Variants in AFF3 observed in about 807,000 individuals in gnomAD.
AFF3 encodes AF4/FMR2 family member 3.
In AFF3, 32 loss-of-function variants were observed where a neutral mutation model predicts 129.7. The ratio of observed to expected loss-of-function variants is 0.25; its 90% CI spans 0.19 to 0.33. The LOEUF is 0.33. AFF3 is among the 10% of genes least tolerant of loss of function. The pLI is 1.00. For missense variants in AFF3, 1,373 were observed against 1,592.0 expected (o/e 0.86, Z 2.34); for synonymous variants, 644 against 635.4 (o/e 1.01, Z -0.20).
chr2:99,723,016 T>TA (rs1679040710), intron 11 of AFF3, among the ~76,000 whole-genome samples: 3 of 152,224 alleles, frequency 2.0e-5, no homozygotes, highest in Admixed American at 2.0e-4. Context: ...TTCTTTTAGT[T>TA]AGACTATGAA....
intron 8 of AFF3, among the ~76,000 whole-genome samples, chr2:99,793,282 G>A (rs1427455089): frequency 6.6e-6 from 1 of 152,142 alleles, no homozygotes; most frequent in Admixed American, 6.5e-5. Flanking sequence ...TATAAGCTTC[G>A]TGAGGCCTCG....
At chr2:99,864,990 T>C (rs17023253) in intron 7 of AFF3, among the ~76,000 whole-genome samples, 7,461 of 152,276 alleles carry the variant, frequency 0.049, 238 homozygotes, top group African/African-American at 0.086. Flanking sequence ...GTGTCCCCTA[T>C]GAACTTCCTT....
intron 12 of AFF3, among the ~76,000 whole-genome samples, chr2:99,662,945 C>T (rs887555786): frequency 6.6e-6 from 1 of 152,196 alleles, no homozygotes; most frequent in African/African-American, 2.4e-5. Flanking sequence ...TGCAGATTGA[C>T]TCTGTGGGTA....
chr2:100,122,824 C>T (rs979297925), intron 2 of AFF3, among the ~76,000 whole-genome samples: 9 of 152,080 alleles, frequency 5.9e-5, no homozygotes, highest in South Asian at 2.1e-4. Context: ...CTGAGAATAC[C>T]GGCAACAAAG....
chr2:99,674,923 C>T (rs763454412), intron 11 of AFF3, among the ~76,000 whole-genome samples: 1 of 152,194 alleles, frequency 6.6e-6, no homozygotes, highest in Admixed American at 6.5e-5. Flanking sequence ...CAGCTTACTT[C>T]TGTTTATTTC....
At chr2:99,786,858 G>A (rs1227869205) in intron 8 of AFF3, among the ~76,000 whole-genome samples, 1 of 152,086 alleles carries the variant, frequency 6.6e-6, no homozygotes, top group Non-Finnish European at 1.5e-5. Context: ...CCTGACACTT[G>A]GTCTCATTAG....
chr2:100,111,194 G>C (rs541658056), intron 2 of AFF3, among the ~76,000 whole-genome samples: 1 of 152,206 alleles, frequency 6.6e-6, no homozygotes. Flanking sequence ...CCACTCTAGC[G>C]GTGTTTTGAA....
At position 99,935,622 on chromosome 2, in the gene AFF3, C is replaced by T. The variant is rs548797203; in HGVS notation, c.873+71010G>A. ...GATGGACTGTGACAATCTTACATTCCATATGATGACTGACAACTTCCTGAG... is the reference window on the plus strand; with the variant it reads ...GATGGACTGTGACAATCTTACATTCTATATGATGACTGACAACTTCCTGAG... On this transcript the variant is annotated intron_variant, in intron 7 of 24. Coordinates refer to ENST00000672756, the MANE Select transcript of AFF3 (RefSeq NM_001386135.1). Among the ~76,000 whole-genome samples the T allele has an allele frequency of 2.6e-5, 4 of 152,306 alleles. No individual in the cohort carries two copies. In the South Asian group the frequency reaches 6.2e-4, roughly 24 times the overall value.
intron 4 of AFF3, among the ~76,000 whole-genome samples, chr2:100,014,851 T>C (rs1682866223): frequency 6.9e-6 from 1 of 145,000 alleles, no homozygotes; most frequent in Non-Finnish European, 1.5e-5. Flanking sequence ...CAGGGTGATC[T>C]CAGCTCACTG....
chr2:100,129,785 G>A (rs1157134171), intron 1 of AFF3, among the ~76,000 whole-genome samples: 1 of 152,208 alleles, frequency 6.6e-6, no homozygotes, highest in Non-Finnish European at 1.5e-5. Context: ...CCAGATGAGA[G>A]TTCCATTATT....
At chr2:99,765,901 G>T (rs888671216) in intron 8 of AFF3, among the ~76,000 whole-genome samples, 1 of 152,180 alleles carries the variant, frequency 6.6e-6, no homozygotes, top group Non-Finnish European at 1.5e-5. Context: ...TCCATAAAGG[G>T]AAGGAAGAAT....
chr2:100,098,733 G>A (rs1429865260), intron 4 of AFF3, among the ~76,000 whole-genome samples: 1 of 108,160 alleles, frequency 9.2e-6, no homozygotes, highest in African/African-American at 4.1e-5. Flanking sequence ...CACTCCCTGG[G>A]TTCCTCCTCC....
At chr2:99,901,315 G>A (rs1191929253) in intron 7 of AFF3, among the ~76,000 whole-genome samples, 3 of 152,166 alleles carry the variant, frequency 2.0e-5, no homozygotes, top group Non-Finnish European at 4.4e-5. Flanking sequence ...GGATTATTTA[G>A]TTTGGCTACA....
intron 11 of AFF3, among the ~76,000 whole-genome samples, chr2:99,703,419 A>T (rs1448517706): frequency 6.6e-6 from 1 of 152,170 alleles, no homozygotes; most frequent in Non-Finnish European, 1.5e-5. Flanking sequence ...ATTTTGAGTT[A>T]ATTTTTGGAT....
chr2:99,665,510 G>A (rs752338888), intron 12 of AFF3, among the ~76,000 whole-genome samples: 7 of 152,228 alleles, frequency 4.6e-5, no homozygotes, highest in Non-Finnish European at 1.0e-4. Context: ...ATAACAAGAC[G>A]AACATGTTTG....
chr2:99,675,531 G>A (rs1458648222), intron 11 of AFF3, among the ~76,000 whole-genome samples: 1 of 152,176 alleles, frequency 6.6e-6, no homozygotes, highest in Non-Finnish European at 1.5e-5. Context: ...CAACTCCCTA[G>A]CAAACGGCGC....
intron 4 of AFF3, among the ~76,000 whole-genome samples, chr2:100,029,151 T>C (rs1684283027): frequency 6.6e-6 from 1 of 152,174 alleles, no homozygotes; most frequent in Admixed American, 6.5e-5. Context: ...TCAAAAGCCA[T>C]ATGTTGAAGC....
In AFF3 at chr2:99,778,566, G is replaced by GTCATCGGTCTGCCAATCT. The variant is rs1408106002; in HGVS notation, c.922-26283_922-26266dup. Among the ~76,000 whole-genome samples the GTCATCGGTCTGCCAATCT allele has an allele frequency of 3.3e-5, 5 of 152,280 alleles. No individual in the cohort carries two copies. In the East Asian group the frequency reaches 9.6e-4, roughly 29 times the overall value. On this transcript the variant is annotated intron_variant, in intron 8 of 24. Transcript: ENST00000672756. The stretch of plus-strand genomic sequence containing the variant: ...TCATGTGAATATCAATGTGATCTAT[G>GTCATCGGTCTGCCAATCT]TCATCGGTCTGCCAATCTATCTTAA...
At chr2:99,985,496 G>A (rs1483559560) in intron 7 of AFF3, among the ~76,000 whole-genome samples, 1 of 152,260 alleles carries the variant, frequency 6.6e-6, no homozygotes. Context: ...AATTGGTGTG[G>A]AGTTAGATCA....
Sources: allele counts gnomAD v4.1 joint callset (sites outside exome capture counted in the v4.1 genomes callset), GRCh38; gene constraint gnomAD v4.1.1; transcripts MANE v1.5; gene names NCBI Gene and HGNC (gene_info 2026-07-23, HGNC 2026-07-21).